Variants in TTN observed in about 807,000 individuals in gnomAD.
TTN encodes the protein titin.
A neutral mutation model predicts 3,223.0 loss-of-function variants in TTN; 1,525 were observed. The ratio of observed to expected loss-of-function variants is 0.47; its 90% CI spans 0.45 to 0.49. The LOEUF is 0.49. Among genes scored for constraint, TTN ranks in the 20% least tolerant of loss-of-function variants. The pLI is 0.00. For synonymous variants in TTN, 14,094 were observed against 15,161.0 expected, an observed-to-expected ratio of 0.93 and a Z score of 5.17; for missense variants, 40,786 against 43,424.0, an observed-to-expected ratio of 0.94 and a Z score of 5.40.
intron 29 of TTN, 156 bp from the exon 30 acceptor site, chr2:178,774,629 A>G (rs551332032): frequency 2.3e-4 from 162 of 719,574 alleles, no homozygotes; most frequent in Middle Eastern, 3.9e-4. Flanking sequence ...TAAATTTTCA[A>G]TAAGAAGCAG....
rs367606284 is a variant in TTN at position 178,595,760 on chromosome 2, A to T, written c.57594T>A (p.Asn19198Lys). ...AAAACCATGTCAGTTTGCAGGACTC[A>T]TTGGTTAGGTTGTGAGCTAGGAATG... ...GTPFLAHNLT[N>K]ESCKLTWFSP... Residue 19198 changes from asparagine to lysine, a missense_variant, in exon 295 of 363, where the codon AAT becomes AAA. By Grantham distance (94) the Asn-to-Lys change is moderately conservative (BLOSUM62 0). Transcript: ENST00000589042. 7 of 1,608,938 alleles carry T rather than the reference A, an allele frequency of 4.4e-6. No individual in the cohort carries two copies. The African/African-American group carries it at 9.4e-5, about 22-fold the overall frequency.
chr2:178,799,650 G>T lies in TTN; in HGVS notation c.751C>A (p.His251Asn), dbSNP rs747184856. The T allele has an allele frequency of 3.7e-6, 6 of 1,614,148 alleles. No homozygotes were observed. In the East Asian group the frequency reaches 1.3e-4, roughly 36 times the overall value. ...IDGAAGQQLP[H>N]KTPPRIPPKP... ...GGAGGAATCCTGGGAGGTGTTTTAT[G>T]TGGCAGCTGTTGCCCAGCGGCACCA... is the stretch of plus-strand genomic sequence containing the variant. Residue 251 changes from histidine (H) to asparagine (N), a missense_variant, in exon 6 of 363, where the codon CAT becomes AAT. Physicochemically the swap from His to Asn is moderately conservative, Grantham distance 68. Transcript: ENST00000589042.
Position 178,583,703 on chromosome 2 carries a change from T to G in TTN, c.65479A>C (p.Lys21827Gln). 6.2e-7 allele frequency: 1 copy of G among 1,612,488 alleles called. No homozygotes were observed. The highest frequency in any genetic ancestry group is 1.1e-5 in the South Asian group (1 of 90,902). The change falls in exon 312 of 363, where the codon AAA becomes CAA. Residue 21827 changes from lysine (K) to glutamine (Q), a missense_variant. Physicochemically the swap from Lys to Gln is moderately conservative, Grantham distance 53. Coordinates refer to ENST00000589042, the MANE Select transcript of TTN (RefSeq NM_001267550.2). ...ATAGCTCTAAATTGATACTGAGCTTTCTCTTCTAGGCCAGTAGCTGTGTAC... is the reference window on the plus strand; with the variant it reads ...ATAGCTCTAAATTGATACTGAGCTTGCTCTTCTAGGCCAGTAGCTGTGTAC... ...EEYTATGLEEKAQYQFRAIAR... is the reference protein window; with the variant it reads ...EEYTATGLEEQAQYQFRAIAR...
In TTN at chr2:178,538,024, GATTT is replaced by G. The variant is rs1305971645; in HGVS notation, c.99290-111_99290-108del. ...TACCTTATTTACTGACACATACCAT[GATTT>G]ACATATTAGCCTAATTCTTAAAAAC... On this transcript the variant is annotated intron_variant, in intron 354 of 362. Coordinates refer to ENST00000589042, the MANE Select transcript of TTN (RefSeq NM_001267550.2). The G allele has an allele frequency of 3.9e-6, 4 of 1,020,254 alleles. No individual in the cohort carries two copies. The African/African-American group carries it at 6.5e-5, about 17-fold the overall frequency. 63.2% of individuals were successfully genotyped at this position (1,020,254 alleles called of 1,614,324 possible). A position where few individuals can be genotyped will look rare whatever the true frequency, so the allele number is the denominator to read the frequency against.
At chr2:178,791,919 T>A (rs1393169251) in intron 10 of TTN, among the ~76,000 whole-genome samples, 153 bp downstream of exon 10, 1 of 152,126 alleles carries the variant, frequency 6.6e-6, no homozygotes, top group Non-Finnish European at 1.5e-5. Flanking sequence ...ATAATTTCCA[T>A]CCTGAGTTTC....
At position 178,651,873 on chromosome 2, in the gene TTN, T is replaced by C. The variant is rs1226070325; in HGVS notation, c.39379+11A>G. On this transcript the variant is annotated intron_variant, in intron 205 of 362. Transcript: ENST00000589042. ...TGGCCGAGGTGTCCTAGCAGCTTTC[T>C]TGCCATGTACCTTGTGGAGGCGCCG... The C allele has an allele frequency of 4.4e-6, 7 of 1,603,288 alleles. No homozygotes were observed. Among genetic ancestry groups the C allele is most frequent in the Non-Finnish European group, 6.0e-6 (7 of 1,175,460 alleles).
In TTN at chr2:178,712,791, C is replaced by T. The variant is rs1347714455; in HGVS notation, c.27234G>A (p.Leu9078=). 4 of 1,613,802 alleles carry T rather than the reference C, an allele frequency of 2.5e-6. No individual in the cohort carries two copies. Among genetic ancestry groups the T allele is most frequent in the Admixed American group, 1.7e-5 (1 of 59,992 alleles). ...SLEDSVAELE[L]FDVDTSQSGE... ...CACTTTGTGATGTATCTACATCGAACAACTCCAGTTCAGCAACTGAATCCT... is the reference window on the plus strand; with the variant it reads ...CACTTTGTGATGTATCTACATCGAATAACTCCAGTTCAGCAACTGAATCCT... The change falls in exon 94 of 363, where the codon TTG becomes TTA. Residue 9078 remains leucine (L), a synonymous_variant. Coordinates refer to ENST00000589042, the MANE Select transcript of TTN (RefSeq NM_001267550.2).
In TTN at chr2:178,725,891, A is replaced by G; in HGVS notation, c.20431T>C (p.Ser6811Pro). The G allele has an allele frequency of 6.2e-7, 1 of 1,613,134 alleles. No homozygotes were observed. The highest frequency in any genetic ancestry group is 8.5e-7 in the Non-Finnish European group (1 of 1,179,486). ...LRSSKKYKIA[S>P]KNFHTSIHIL... ...TGAATACTTGTGTGGAAGTTTTTGG[A>G]TGCAATCTTGTATTTCTTGCTGCTT... The change falls in exon 70 of 363, where the codon TCC becomes CCC. Residue 6811 changes from serine to proline, a missense_variant. Transcript: ENST00000589042.
Position 178,536,941 on chromosome 2 carries a change from A to G in TTN, c.100168T>C (p.Phe33390Leu). Reference sequence around the variant, plus strand: ...ACAGAAATCAAGTTGTACTCACCAAATGGACTCTTAATGATCACAACTGAG... The same window carrying G: ...ACAGAAATCAAGTTGTACTCACCAAGTGGACTCTTAATGATCACAACTGAG... ...VSSVVIIKSP[F>L]EKPGAPGKPT... The change falls in exon 356 of 363, where the codon TTT becomes CTT. Residue 33390 changes from phenylalanine to leucine, a missense_variant. By Grantham distance (22) the Phe-to-Leu change is conservative. Coordinates refer to ENST00000589042, the MANE Select transcript of TTN (RefSeq NM_001267550.2). 1.2e-6 allele frequency: 2 copies of G among 1,601,186 alleles called. No individual in the cohort carries two copies. The highest frequency in any genetic ancestry group is 1.7e-6 in the Non-Finnish European group (2 of 1,170,892).
chr2:178,774,731 TA>T, intron 29 of TTN, 189 bp downstream of exon 29: 2 of 789,670 alleles, frequency 2.5e-6, no homozygotes, highest in Non-Finnish European at 3.9e-6. Flanking sequence ...AATACTACTT[TA>T]AAAAATCCAA....
rs1301601226 is a variant in TTN at position 178,571,615 on chromosome 2, A to C, written c.74517T>G (p.Ser24839Arg). Residue 24839 changes from serine (S) to arginine (R), a missense_variant, in exon 326 of 363, where the codon AGT (serine) becomes AGG (arginine). By Grantham distance (110) the Ser-to-Arg change is moderately radical (BLOSUM62 -1). Coordinates refer to ENST00000589042, the MANE Select transcript of TTN (RefSeq NM_001267550.2). ...SWGPPKYDGG[S>R]SINNYIVEKR... Reference sequence around the variant, plus strand: ...TCTCAACAATGTAATTATTGATAGAACTTCCACCATCATACTTGGGTGGGC... The same window carrying C: ...TCTCAACAATGTAATTATTGATAGACCTTCCACCATCATACTTGGGTGGGC... The C allele has an allele frequency of 1.4e-5, 22 of 1,613,116 alleles. No homozygotes were observed. Among genetic ancestry groups the C allele is most frequent in the Non-Finnish European group, 1.8e-5 (21 of 1,179,574 alleles).
Position 178,715,632 on chromosome 2 carries a change from A to T in TTN, c.25782T>A (p.Ser8594Arg). 6.2e-7 allele frequency: 1 copy of T among 1,613,570 alleles called. No homozygotes were observed. Among genetic ancestry groups the T allele is most frequent in the Non-Finnish European group, 8.5e-7 (1 of 1,179,638 alleles). ...AGTCAACGAATGACATTCTGAATTT[A>T]CTGCTCTCTTGAATTTCAGTCTCGT... ...YKDETEIQES[S>R]KFRMSFVDSV... The change falls in exon 89 of 363, where the codon AGT becomes AGA. Residue 8594 changes from serine to arginine, a missense_variant. By Grantham distance (110) the Ser-to-Arg change is moderately radical. Coordinates refer to ENST00000589042, the MANE Select transcript of TTN (RefSeq NM_001267550.2).
Position 178,701,104 on chromosome 2 carries a change from A to T in TTN, c.30682+16T>A. The stretch of plus-strand genomic sequence containing the variant: ...GAAATTCTTATTTCGACATCTAGGT[A>T]GATGAGGTATAATACCTTCAATACG... On this transcript the variant is annotated intron_variant, in intron 111 of 362. Transcript: ENST00000589042. 1 of 1,609,598 alleles carries T rather than the reference A, an allele frequency of 6.2e-7. No individual in the cohort carries two copies. The highest frequency in any genetic ancestry group is 8.5e-7 in the Non-Finnish European group (1 of 1,176,926).
chr2:178,647,757 T>G (rs1312390112), intron 213 of TTN, among the ~76,000 whole-genome samples: 1 of 152,054 alleles, frequency 6.6e-6, no homozygotes, highest in Non-Finnish European at 1.5e-5. Context: ...CAATTCTTAT[T>G]TACATGTGAA....
At chr2:178,698,730 G>T in intron 112 of TTN, 113 bp downstream of exon 112, 2 of 952,126 alleles carry the variant, frequency 2.1e-6, no homozygotes, top group Non-Finnish European at 3.1e-6. Flanking sequence ...GAAGGGAGAG[G>T]TACCATTTTG....
chr2:178,778,784 A>C, intron 24 of TTN, 90 bp downstream of exon 24: 3 of 1,577,632 alleles, frequency 1.9e-6, no homozygotes, highest in Non-Finnish European at 2.6e-6. Context: ...TTAGCCCTCG[A>C]TTTTCTTCTT....
At chr2:178,804,683 G>T in intron 1 of TTN, 28 bp from the exon 2 acceptor site, 1 of 1,603,356 alleles carries the variant, frequency 6.2e-7, no homozygotes, top group Non-Finnish European at 8.5e-7. Flanking sequence ...ATAAATTAGG[G>T]TGTCCCAGCT....
rs370093328 is a variant in TTN at position 178,554,643 on chromosome 2, G to A, written c.88704C>T (p.His29568=). The A allele has an allele frequency of 1.2e-6, 2 of 1,613,816 alleles. No individual in the cohort carries two copies. Among genetic ancestry groups the A allele is most frequent in the Non-Finnish European group, 1.7e-6 (2 of 1,179,858 alleles). ...PADDGGAKIT[H]YIVEKRETSR... ...TTGTCTCACGCTTTTCCACAATGTA[G>A]TGAGTGATTTTTGCACCACCATCAT... The change falls in exon 332 of 363, where the codon CAC becomes CAT. Residue 29568 remains histidine, a synonymous_variant. Coordinates refer to ENST00000589042, the MANE Select transcript of TTN (RefSeq NM_001267550.2).
chr2:178,588,156 C>T lies in TTN; in HGVS notation c.63251G>A (p.Gly21084Glu), dbSNP rs1342843033. 6.2e-7 allele frequency: 1 copy of T among 1,608,592 alleles called. No homozygotes were observed. Among genetic ancestry groups the T allele is most frequent in the South Asian group, 1.1e-5 (1 of 90,680 alleles). ...VDTTKHSITL[G>E]WGKPVYDGGA... The stretch of plus-strand genomic sequence containing the variant: ...ACCATCATAGACTGGTTTTCCCCAC[C>T]CAAGAGTTATGGAATGTTTGGTTGT... The change falls in exon 305 of 363, where the codon GGG becomes GAG. Residue 21084 changes from glycine to glutamate, a missense_variant. Coordinates refer to ENST00000589042, the MANE Select transcript of TTN (RefSeq NM_001267550.2).
Sources: allele counts gnomAD v4.1 joint callset (sites outside exome capture counted in the v4.1 genomes callset), GRCh38; gene constraint gnomAD v4.1.1; transcripts MANE v1.5; gene names NCBI Gene and HGNC (gene_info 2026-07-23, HGNC 2026-07-21).